STX18: variants seen among roughly 807,000 people sequenced by gnomAD.
STX18 encodes syntaxin-18.
A neutral mutation model predicts 50.1 loss-of-function variants in STX18; 40 were observed. The ratio of observed to expected loss-of-function variants is 0.80; its 90% CI spans 0.62 to 1.04. The LOEUF is 1.04. Among genes scored for constraint, STX18 ranks in the 50% least tolerant of loss-of-function variants. The pLI, the probability that STX18 is intolerant of heterozygous loss-of-function variation, is 0.00. For missense variants in STX18, 410 were observed against 415.8 expected, an observed-to-expected ratio of 0.99 and a Z score of 0.12; for synonymous variants, 158 against 151.8, an observed-to-expected ratio of 1.04 and a Z score of -0.30.
At chr4:4,506,713 T>C (rs1428774695) in intron 1 of STX18, among the ~76,000 whole-genome samples, 2 of 152,210 alleles carry the variant, frequency 1.3e-5, no homozygotes, top group Non-Finnish European at 2.9e-5. Context: ...TACATACCTA[T>C]GATAAAGTTT....
At chr4:4,497,764 C>T (rs1024834133) in intron 1 of STX18, among the ~76,000 whole-genome samples, 5 of 152,288 alleles carry the variant, frequency 3.3e-5, no homozygotes, top group African/African-American at 9.6e-5. Flanking sequence ...ACCTTAAATA[C>T]AAATAAGGTC....
chr4:4,439,627 A>T (rs1252891026), intron 5 of STX18, among the ~76,000 whole-genome samples: 2 of 150,258 alleles, frequency 1.3e-5, no homozygotes, highest in Non-Finnish European at 3.0e-5. Context: ...ATATACTCAT[A>T]CACACACATA....
chr4:4,475,997 A>C (rs1037627165), intron 1 of STX18: 1 of 152,196 alleles, frequency 6.6e-6, no homozygotes, highest in African/African-American at 2.4e-5. Context: ...AGTAGGAATA[A>C]GTATATACAT....
chr4:4,529,514 A>C (rs1261525299), intron 1 of STX18, among the ~76,000 whole-genome samples: 1 of 151,350 alleles, frequency 6.6e-6, no homozygotes, highest in African/African-American at 2.5e-5. Flanking sequence ...AGATGATGTG[A>C]TAACATACTA....
chr4:4,528,417 C>T (rs1730908469), intron 1 of STX18, among the ~76,000 whole-genome samples: 1 of 151,874 alleles, frequency 6.6e-6, no homozygotes, highest in Non-Finnish European at 1.5e-5. Flanking sequence ...GAGTCTGGGA[C>T]CTCCCCCTTC....
chr4:4,519,671 C>T (rs756378253), intron 1 of STX18, among the ~76,000 whole-genome samples: 2 of 152,118 alleles, frequency 1.3e-5, no homozygotes, highest in African/African-American at 4.8e-5. Context: ...TTTAAAAGGA[C>T]GACTAGTTCA....
intron 1 of STX18, among the ~76,000 whole-genome samples, chr4:4,500,469 G>A (rs549154056): frequency 4.6e-5 from 7 of 152,242 alleles, no homozygotes; most frequent in Non-Finnish European, 8.8e-5. Flanking sequence ...GTAATCCAGA[G>A]AAATAAACAG....
chr4:4,451,135 A>G (rs559007914), intron 5 of STX18, among the ~76,000 whole-genome samples: 1 of 152,334 alleles, frequency 6.6e-6, no homozygotes, highest in Admixed American at 6.5e-5. Context: ...CCCATGATTT[A>G]TTTAAACTGA....
At chr4:4,529,805 C>T (rs1450980454) in intron 1 of STX18, among the ~76,000 whole-genome samples, 1 of 152,134 alleles carries the variant, frequency 6.6e-6, no homozygotes, top group Non-Finnish European at 1.5e-5. Flanking sequence ...TACCACAGGG[C>T]CAGGTACAGT....
chr4:4,427,034 T>C (rs28733402), intron 7 of STX18, among the ~76,000 whole-genome samples: 48,220 of 152,090 alleles, frequency 0.32, 11,130 homozygotes, highest in African/African-American at 0.66. Flanking sequence ...TGTTACCAAG[T>C]TCCCCTGTAC....
At chr4:4,472,048 C>T (rs1239158400) in intron 1 of STX18, among the ~76,000 whole-genome samples, 1 of 152,168 alleles carries the variant, frequency 6.6e-6, no homozygotes, top group Non-Finnish European at 1.5e-5. Flanking sequence ...GCTAAAATTG[C>T]ACAGCAAGTA....
intron 1 of STX18, among the ~76,000 whole-genome samples, chr4:4,528,087 G>A (rs75733683): frequency 6.6e-6 from 1 of 151,912 alleles, no homozygotes; most frequent in Non-Finnish European, 1.5e-5. Flanking sequence ...TTCTAGAGCT[G>A]GTGGGCAGAC....
At chr4:4,427,928 G>C (rs1367205676) in intron 7 of STX18, among the ~76,000 whole-genome samples, 2 of 152,234 alleles carry the variant, frequency 1.3e-5, no homozygotes, top group African/African-American at 4.8e-5. Flanking sequence ...GGGCTGAGGA[G>C]AGAGGTTTGC....
intron 1 of STX18, among the ~76,000 whole-genome samples, chr4:4,489,267 T>C (rs1327910889): frequency 6.6e-6 from 1 of 152,044 alleles, no homozygotes; most frequent in Non-Finnish European, 1.5e-5. Flanking sequence ...GCTTCATCAT[T>C]CCCTGTCCTC....
At chr4:4,475,864 TC>T (rs1728149858) in intron 1 of STX18, among the ~76,000 whole-genome samples, 3 of 152,060 alleles carry the variant, frequency 2.0e-5, no homozygotes, top group African/African-American at 7.2e-5. Flanking sequence ...CAAGTGATCC[TC>T]CCCCCTTGGC....
intron 7 of STX18, among the ~76,000 whole-genome samples, 168 bp downstream of exon 7, chr4:4,434,602 G>A (rs559564354): frequency 3.3e-5 from 5 of 152,176 alleles, no homozygotes; most frequent in East Asian, 1.9e-4. Context: ...GAAAAGCACC[G>A]TAAGAATTAG....
chr4:4,430,159 A>G (rs554817344), intron 7 of STX18, among the ~76,000 whole-genome samples: 6 of 152,350 alleles, frequency 3.9e-5, no homozygotes, highest in African/African-American at 1.4e-4. Flanking sequence ...CCCTGCAACC[A>G]TTTTGAAATA....
intron 5 of STX18, among the ~76,000 whole-genome samples, chr4:4,446,530 G>A (rs1168888610): frequency 1.3e-5 from 2 of 152,176 alleles, no homozygotes; most frequent in African/African-American, 4.8e-5. Flanking sequence ...GGAAGAAAAT[G>A]AATAGTCAAT....
At chr4:4,510,779 T>C (rs1729965150) in intron 1 of STX18, among the ~76,000 whole-genome samples, 1 of 152,172 alleles carries the variant, frequency 6.6e-6, no homozygotes, top group Admixed American at 6.5e-5. Flanking sequence ...ATAGACTGGA[T>C]AAAGCAAATG....
Sources: allele counts gnomAD v4.1 joint callset (sites outside exome capture counted in the v4.1 genomes callset), GRCh38; gene constraint gnomAD v4.1.1; transcripts MANE v1.5; gene names NCBI Gene and HGNC (gene_info 2026-07-23, HGNC 2026-07-21).